The following KIZ variants were observed in gnomAD, a reference collection of about 807,000 sequenced individuals.
KIZ encodes centrosomal protein kizuna.
Under a neutral mutation model 79.6 loss-of-function variants are expected in KIZ, and 68 were observed. The observed-to-expected ratio is 0.85, with a 90% confidence interval of 0.70 to 1.05. The LOEUF (loss-of-function observed/expected upper bound fraction) is 1.05, where lower values mean the gene tolerates loss of function less well. Among genes scored for constraint, KIZ ranks in the 50% least tolerant of loss-of-function variants. The pLI, the probability that KIZ is intolerant of heterozygous loss-of-function variation, is 0.00. For missense variants in KIZ, 797 were observed against 800.4 expected, an observed-to-expected ratio of 1.00 and a Z score of 0.05; for synonymous variants, 280 against 281.8, an observed-to-expected ratio of 0.99 and a Z score of 0.06.
chr20:21,133,130 G>A (rs898902380), intron 2 of KIZ: 2 of 152,234 alleles, frequency 1.3e-5, no homozygotes, highest in Non-Finnish European at 2.9e-5. Context: ...CACACTATGA[G>A]TGAGAAATGA....
rs916238918 is a variant in KIZ, at chr20:21,216,281, C to T, written c.1678+633C>T. ...TGTCATACATCTGAATTTACTAGTA[C>T]CTTATTTTGTGAAGTGGTGTACTAC... On this transcript the variant is annotated intron_variant, in intron 9 of 12. Coordinates refer to ENST00000619189, the MANE Select transcript of KIZ (RefSeq NM_018474.6). Among the ~76,000 whole-genome samples, 7 of 152,102 alleles carry T rather than the reference C, an allele frequency of 4.6e-5. No individual in the cohort carries two copies. In the South Asian group the frequency reaches 1.5e-3, roughly 32 times the overall value.
intron 4 of KIZ, among the ~76,000 whole-genome samples, chr20:21,157,433 C>T (rs542562067): frequency 6.6e-6 from 1 of 152,320 alleles, no homozygotes; most frequent in Non-Finnish European, 1.5e-5. Flanking sequence ...AATTGCAAAA[C>T]AGTTAATAAC....
At position 21,162,221 on chromosome 20, in the gene KIZ, G is replaced by A. The variant is rs2033702281; in HGVS notation, c.756G>A (p.Leu252=). The change falls in exon 5 of 13, where the codon TTG becomes TTA. Residue 252 remains leucine, a synonymous_variant. Transcript: ENST00000619189. ...VLSEEEQTHC[L]EIGSNTRHGK... is the part of the protein sequence containing the mutation. ...CTGAGGAGGAACAAACTCATTGCTT[G>A]GAGATAGGAAGTAACACACGTCATG... 6.2e-7 allele frequency: 1 copy of A among 1,613,702 alleles called. No homozygotes were observed. The highest frequency in any genetic ancestry group is 1.7e-5 in the Admixed American group (1 of 60,004).
chr20:21,237,808 C>T (rs1196636850), intron 11 of KIZ, among the ~76,000 whole-genome samples: 12 of 152,128 alleles, frequency 7.9e-5, no homozygotes, highest in Non-Finnish European at 1.6e-4. Context: ...CCCTCCCTCC[C>T]GCAGTGGGGC....
intron 11 of KIZ, among the ~76,000 whole-genome samples, chr20:21,238,065 A>C (rs537715633): frequency 6.6e-6 from 1 of 152,098 alleles, no homozygotes; most frequent in Non-Finnish European, 1.5e-5. Flanking sequence ...TCCTGAGCTC[A>C]GGTGATCCAC....
chr20:21,200,692 C>G (rs1296569829), intron 6 of KIZ, among the ~76,000 whole-genome samples: 1 of 152,080 alleles, frequency 6.6e-6, no homozygotes. Context: ...GCCCTCCTGC[C>G]ACTCACCTCC....
intron 1 of KIZ, among the ~76,000 whole-genome samples, chr20:21,131,304 T>G (rs965646242): frequency 2.0e-5 from 3 of 152,200 alleles, no homozygotes; most frequent in Non-Finnish European, 4.4e-5. Flanking sequence ...ACAGCACAGG[T>G]TCAGTCTTTA....
chr20:21,243,684 C>A (rs1467680737), intron 11 of KIZ, among the ~76,000 whole-genome samples: 5 of 152,184 alleles, frequency 3.3e-5, no homozygotes, highest in African/African-American at 4.8e-5. Flanking sequence ...TCAGTCGAGA[C>A]GGTCCTGGAC....
chr20:21,132,100 A>C lies in KIZ; in HGVS notation c.93A>C (p.Glu31Asp). Reference protein sequence around the residue: ...GQLQHGLRDSEKKRLDLEKKL... With the variant: ...GQLQHGLRDSDKKRLDLEKKL... ...TATAAAATGTTTTTTATTATAGTGA[A>C]AAGAAGAGATTGGACCTGGAAAAGA... is the stretch of plus-strand genomic sequence containing the variant. The change falls in exon 2 of 13, where the codon GAA (glutamate) becomes GAC (aspartate). Residue 31 changes from glutamate to aspartate, a missense_variant. Physicochemically the swap from Glu to Asp is conservative, Grantham distance 45. Coordinates refer to ENST00000619189, the MANE Select transcript of KIZ (RefSeq NM_018474.6). 7.6e-7 allele frequency: 1 copy of C among 1,316,684 alleles called. No individual in the cohort carries two copies. Among genetic ancestry groups the C allele is most frequent in the Non-Finnish European group, 1.1e-6 (1 of 938,780 alleles). 81.6% of individuals were successfully genotyped at this position (1,316,684 alleles called of 1,614,324 possible). A position where few individuals can be genotyped will look rare whatever the true frequency, so the allele number is the denominator to read the frequency against.
At chr20:21,186,074 C>T (rs893903254) in intron 6 of KIZ, among the ~76,000 whole-genome samples, 6 of 151,808 alleles carry the variant, frequency 4.0e-5, no homozygotes, top group African/African-American at 1.2e-4. Flanking sequence ...AAATCATGGA[C>T]GTATGTGTTA....
In KIZ at chr20:21,205,540, C is replaced by A; in HGVS notation, c.1402C>A (p.His468Asn). The stretch of plus-strand genomic sequence containing the variant: ...CGTACCGAGGGCACAGGTGGGTCAG[C>A]ATGTTGCCACCTTGAAAGAACATGA... The part of the protein sequence containing the change: ...SDVPRAQVGQ[H>N]VATLKEHDNS... The change falls in exon 7 of 13, where the codon CAT becomes AAT. Residue 468 changes from histidine (H) to asparagine (N), a missense_variant. By Grantham distance (68) the His-to-Asn change is moderately conservative. Coordinates refer to ENST00000619189, the MANE Select transcript of KIZ (RefSeq NM_018474.6). The A allele has an allele frequency of 6.4e-7, 1 of 1,570,450 alleles. No individual in the cohort carries two copies. The highest frequency in any genetic ancestry group is 8.7e-7 in the Non-Finnish European group (1 of 1,151,352).
chr20:21,160,994 G>C (rs1220229738), intron 4 of KIZ: 7 of 152,298 alleles, frequency 4.6e-5, no homozygotes, highest in Non-Finnish European at 1.5e-5. Flanking sequence ...TTATGGTATT[G>C]TTATAGCAGC....
chr20:21,136,573 G>T (rs1568908053), intron 3 of KIZ, 21 bp downstream of exon 3: 7 of 1,480,406 alleles, frequency 4.7e-6, no homozygotes, highest in East Asian at 2.4e-5. Flanking sequence ...GTTTTTTACT[G>T]TGTTTTATTT....
intron 9 of KIZ, among the ~76,000 whole-genome samples, chr20:21,223,039 A>G (rs2036551036): frequency 6.6e-6 from 1 of 152,222 alleles, no homozygotes. Flanking sequence ...ACTATAAATA[A>G]TGGTAAAGAT....
At chr20:21,164,444 C>G (rs2033835823) in intron 6 of KIZ, among the ~76,000 whole-genome samples, 1 of 152,176 alleles carries the variant, frequency 6.6e-6, no homozygotes, top group Non-Finnish European at 1.5e-5. Flanking sequence ...TAATACTTCT[C>G]TCATCAAAGA....
intron 6 of KIZ, among the ~76,000 whole-genome samples, chr20:21,186,703 A>G (rs2034887700): frequency 6.6e-6 from 1 of 151,926 alleles, no homozygotes; most frequent in Non-Finnish European, 1.5e-5. Context: ...TAATTCTACT[A>G]AAATATATCT....
At chr20:21,199,569 G>A (rs2035503194) in intron 6 of KIZ, among the ~76,000 whole-genome samples, 1 of 152,184 alleles carries the variant, frequency 6.6e-6, no homozygotes, top group African/African-American at 2.4e-5. Flanking sequence ...CAGCAGTCAG[G>A]TCTTTAAACA....
intron 4 of KIZ, chr20:21,154,069 A>G (rs533429565): frequency 6.9e-4 from 105 of 152,314 alleles, no homozygotes; most frequent in African/African-American, 2.5e-3. Context: ...AATCTTCTCA[A>G]TGTGACTTAA....
chr20:21,150,263 G>A (rs1056212311), intron 4 of KIZ, among the ~76,000 whole-genome samples: 1 of 152,212 alleles, frequency 6.6e-6, no homozygotes, highest in Non-Finnish European at 1.5e-5. Context: ...AGGGCCCAGG[G>A]ATATGGGCCC....
Sources: allele counts gnomAD v4.1 joint callset (sites outside exome capture counted in the v4.1 genomes callset), GRCh38; gene constraint gnomAD v4.1.1; transcripts MANE v1.5; gene names NCBI Gene and HGNC (gene_info 2026-07-23, HGNC 2026-07-21).